Variants in SMAD4 observed in about 807,000 individuals in gnomAD.
SMAD4 encodes the protein MAD homolog 4.
SMAD4 carries 7 observed loss-of-function variants against 63.2 expected under a neutral mutation model. The observed-to-expected ratio is 0.11, with a 90% CI of 0.06 to 0.21. The LOEUF is 0.21. Ranked by LOEUF, SMAD4 falls within the 10% of genes least tolerant of loss-of-function variation. SMAD4 has a pLI of 1.00. For missense variants in SMAD4, 312 were observed against 693.8 expected (o/e 0.45, Z 6.18); for synonymous variants, 215 against 235.4 (o/e 0.91, Z 0.79).
chr18:51,058,224 A>G lies in SMAD4; in HGVS notation c.767A>G (p.Gln256Arg). ...PGQQQNGFTG[Q>R]PATYHHNSTT... ...CAGCAGCAGAATGGATTTACTGGTC[A>G]GCCAGCTACTTACCATCATAGTATG... The change falls in exon 6 of 12, where the codon CAG becomes CGG. Residue 256 changes from glutamine (Q) to arginine (R), a missense_variant. This residue lies in a region of SMAD4 where 169 missense variants were observed against 211.0 expected (regional missense o/e 0.80). Transcript: ENST00000342988. 6.2e-7 allele frequency: 1 copy of G among 1,614,260 alleles called. No homozygotes were observed. Among genetic ancestry groups the G allele is most frequent in the South Asian group, 1.1e-5 (1 of 91,088 alleles).
rs372320456 is a variant in SMAD4, at chr18:51,070,680, C to T, written c.1308+3493C>T. On this transcript the variant is annotated intron_variant, in intron 10 of 11. Transcript: ENST00000342988. ...CATAGGTTTTAAAATGTGCGCTGTT[C>T]TGAGTAGATGATGAAATCTCACTCC... Among the ~76,000 whole-genome samples, 13 of 152,230 alleles carry T rather than the reference C, an allele frequency of 8.5e-5. No individual in the cohort carries two copies. In the South Asian group the frequency reaches 2.7e-3, roughly 32 times the overall value.
rs2144419190 is a variant in SMAD4 at position 51,054,926 on chromosome 18, G to C, written c.600G>C (p.Leu200=). 6.2e-7 allele frequency: 1 copy of C among 1,614,140 alleles called. No individual in the cohort carries two copies. Among genetic ancestry groups the C allele is most frequent in the Non-Finnish European group, 8.5e-7 (1 of 1,180,014 alleles). ...CAGAGACATACAGCACCCCAGCTCTGTTAGCCCCATCTGAGTCTAATGCTA... is the reference window on the plus strand; with the variant it reads ...CAGAGACATACAGCACCCCAGCTCTCTTAGCCCCATCTGAGTCTAATGCTA... ...ASTETYSTPA[L]LAPSESNATS... Residue 200 remains leucine (L), a synonymous_variant, in exon 5 of 12, where the codon CTG becomes CTC. Coordinates refer to ENST00000342988, the MANE Select transcript of SMAD4 (RefSeq NM_005359.6).
chr18:51,081,511 C>T lies in SMAD4; in HGVS notation c.*3044C>T, dbSNP rs1316828368. 8.6e-6 allele frequency: 2 copies of T among 231,296 alleles called. No homozygotes were observed. The allele number at this position is 231,296 out of a possible 1,614,324, so 14.3% of individuals were successfully genotyped here. ...CCAGAAACATGGCTGTTTTGTATTG[C>T]TGTAACCACTAAATAGGTTGCCTAT... is the stretch of plus-strand genomic sequence containing the variant. On this transcript the variant is annotated 3_prime_UTR_variant, in exon 12 of 12. Transcript: ENST00000342988.
Position 51,049,559 on chromosome 18 carries a change from T to TA in SMAD4, c.454+242dup, listed in dbSNP as rs11287965. 2.5e-4 allele frequency: 116 copies of TA among 470,590 alleles called. No homozygotes were observed. The South Asian group carries it at 2.6e-3, about 11-fold the overall frequency. The allele number at this position is 470,590 out of a possible 1,614,324, so 29.2% of individuals were successfully genotyped here. A position where few individuals can be genotyped will look rare whatever the true frequency, so the allele number is the denominator to read the frequency against. ...CTGCAATTTATGAACTAAAGTACTG[T>TA]AAAAAAATATGATAGAGGAATGCAC... On this transcript the variant is annotated intron_variant, in intron 4 of 11. Transcript: ENST00000342988.
intron 4 of SMAD4, among the ~76,000 whole-genome samples, chr18:51,051,955 C>T (rs1909725274): frequency 1.3e-5 from 2 of 151,874 alleles, no homozygotes; most frequent in African/African-American, 4.8e-5. Context: ...TACAGGTGCC[C>T]GCCACCATGC....
rs765823244 is a variant in SMAD4, at chr18:51,078,669, A to G, written c.*202A>G. 8.4e-4 allele frequency: 474 copies of G among 563,898 alleles called. No homozygotes were observed. The highest frequency in any genetic ancestry group is 1.4e-3 in the Middle Eastern group (3 of 2,164). 34.9% of individuals were successfully genotyped at this position (563,898 alleles called of 1,614,324 possible). ...TTTTCCTCTTCAGAACTTGTCAGGC[A>G]TGGCTCAGAGCTTGAAGATTAGGAG... On this transcript the variant is annotated 3_prime_UTR_variant, in exon 12 of 12. Transcript: ENST00000342988.
At chr18:51,048,984 A>G in intron 3 of SMAD4, 124 bp downstream of exon 3, 1 of 837,960 alleles carries the variant, frequency 1.2e-6, no homozygotes, top group Non-Finnish European at 1.9e-6. Flanking sequence ...AGGTTAAAGA[A>G]TCAGACATTT....
rs139869801 is a variant in SMAD4 at position 51,065,937 on chromosome 18, T to C, written c.1139+331T>C. Among the ~76,000 whole-genome samples the C allele has an allele frequency of 7.9e-3, 1,202 of 152,334 alleles. 6 individuals carry two copies. Among genetic ancestry groups the C allele is most frequent in the Middle Eastern group, 0.027 (8 of 292 alleles). ...ATTACTGAAAGGAAGTAATATTAAA[T>C]GAGAACATGTTTCTGAAAGTTTTAC... On this transcript the variant is annotated intron_variant, in intron 9 of 11. Coordinates refer to ENST00000342988, the MANE Select transcript of SMAD4 (RefSeq NM_005359.6).
intron 1 of SMAD4, among the ~76,000 whole-genome samples, chr18:51,043,220 C>G (rs1188638372): frequency 6.6e-6 from 1 of 152,112 alleles, no homozygotes. Context: ...CTGAGAGAGT[C>G]CAGACCCACT....
intron 1 of SMAD4, among the ~76,000 whole-genome samples, chr18:51,041,684 A>G (rs1051266925): frequency 2.0e-5 from 3 of 152,176 alleles, no homozygotes; most frequent in Non-Finnish European, 1.5e-5. Flanking sequence ...AAAAGAAGAT[A>G]TATGAGCTGT....
At chr18:51,070,466 A>G (rs574166633) in intron 10 of SMAD4, among the ~76,000 whole-genome samples, 5 of 152,296 alleles carry the variant, frequency 3.3e-5, no homozygotes, top group East Asian at 1.9e-4. Flanking sequence ...TCATTTGTGT[A>G]TATTAACTAA....
chr18:51,083,649 T>G lies in SMAD4; in HGVS notation c.*5182T>G, dbSNP rs564511695. ...GGCCAGACAGTTGCACTCTCTAGTT[T>G]GCCCTCTGCCACAAATTTGATGTGT... On this transcript the variant is annotated 3_prime_UTR_variant, in exon 12 of 12. Transcript: ENST00000342988. The G allele has an allele frequency of 1.1e-4, 24 of 227,778 alleles. No individual in the cohort carries two copies. The highest frequency in any genetic ancestry group is 3.5e-4 in the African/African-American group (16 of 45,184). 14.1% of individuals were successfully genotyped at this position (227,778 alleles called of 1,614,324 possible). A position where few individuals can be genotyped will look rare whatever the true frequency, so the allele number is the denominator to read the frequency against.
chr18:51,077,753 CACT>C (rs370855742), intron 11 of SMAD4, among the ~76,000 whole-genome samples: 3 of 152,218 alleles, frequency 2.0e-5, no homozygotes, highest in African/African-American at 7.2e-5. Context: ...CAGTTGCCAC[CACT>C]GAGTAATAGT....
rs1555685181 is a variant in SMAD4 at position 51,048,814 on chromosome 18, C to G, written c.378C>G (p.Val126=). The change falls in exon 3 of 12, where the codon GTC becomes GTG. Residue 126 remains valine, a synonymous_variant. Transcript: ENST00000342988. The stretch of plus-strand genomic sequence containing the variant: ...CGTTTGACTTAAAATGTGATAGTGT[C>G]TGTGTGAATCCATATCACTACGAAC... ...QYAFDLKCDS[V]CVNPYHYERV... 1.9e-6 allele frequency: 3 copies of G among 1,613,832 alleles called. No homozygotes were observed. In the South Asian group the frequency reaches 3.3e-5, roughly 18 times the overall value.
chr18:51,076,586 G>A, intron 10 of SMAD4, 52 bp from the exon 11 acceptor site: 9 of 1,556,770 alleles, frequency 5.8e-6, no homozygotes, highest in South Asian at 5.6e-5. Context: ...GGTTTTTAAT[G>A]TATGGAATTT....
At position 51,079,319 on chromosome 18, in the gene SMAD4, A is replaced by G. The variant is rs1328534499; in HGVS notation, c.*852A>G. 1 of 233,238 alleles carries G rather than the reference A, an allele frequency of 4.3e-6. No individual in the cohort carries two copies. Among genetic ancestry groups the G allele is most frequent in the Non-Finnish European group, 8.5e-6 (1 of 117,894 alleles). 14.4% of individuals were successfully genotyped at this position (233,238 alleles called of 1,614,324 possible). On this transcript the variant is annotated 3_prime_UTR_variant, in exon 12 of 12. Transcript: ENST00000342988. The stretch of plus-strand genomic sequence containing the variant: ...CTTCATTCATAGGGAAAGGTTTTGT[A>G]TTTTTTAAAACACTAAAAGCAGCGT...
intron 1 of SMAD4, among the ~76,000 whole-genome samples, chr18:51,032,049 G>T (rs1909067491): frequency 6.6e-6 from 1 of 152,168 alleles, no homozygotes; most frequent in African/African-American, 2.4e-5. Flanking sequence ...ACTTAAATGG[G>T]TTTGTTACAG....
In SMAD4 at chr18:51,075,002, GC is replaced by G. The variant is rs1277289143; in HGVS notation, c.1309-1632del. 8.5e-5 allele frequency among the ~76,000 whole-genome samples: 13 copies of G among 152,154 alleles called. 1 individual carries two copies. Among genetic ancestry groups the G allele is most frequent in the Admixed American group, 5.9e-4 (9 of 15,272 alleles). On this transcript the variant is annotated intron_variant, in intron 10 of 11. Transcript: ENST00000342988. ...TGGGATTACAGGCATCTGCCACCATGCCCCTGTCATTGCTTTCTTTACTAAA... is the reference window on the plus strand; with the variant it reads ...TGGGATTACAGGCATCTGCCACCATGCCCTGTCATTGCTTTCTTTACTAAA...
chr18:51,059,317 A>C (rs916007441), intron 7 of SMAD4, among the ~76,000 whole-genome samples: 1 of 152,214 alleles, frequency 6.6e-6, no homozygotes, highest in East Asian at 1.9e-4. Context: ...GACCATTGAC[A>C]AGTTATTTCA....
Sources: gnomAD v4.1 joint callset for allele counts (sites outside exome capture counted in the v4.1 genomes callset) on GRCh38, gnomAD v4.1.1 for gene constraint, gnomAD v4.1.1 regional missense constraint, MANE v1.5 for transcripts, NCBI Gene and HGNC (gene_info 2026-07-23, HGNC 2026-07-21) for gene names.